Variants in MAP2K3 observed in about 807,000 individuals in gnomAD.
MAP2K3 encodes the protein mitogen-activated protein kinase kinase 3.
Under a neutral mutation model 46.4 loss-of-function variants are expected in MAP2K3, and 30 were observed. The observed-to-expected ratio is 0.65, with a 90% CI of 0.48 to 0.88. MAP2K3 has a LOEUF of 0.88. Ranked by LOEUF, MAP2K3 falls within the 40% of genes least tolerant of loss-of-function variation. MAP2K3 has a pLI of 0.00. For missense variants in MAP2K3, 380 were observed against 464.5 expected (o/e 0.82, Z 1.67); for synonymous variants, 189 against 176.3 (o/e 1.07, Z -0.57).
intron 5 of MAP2K3, among the ~76,000 whole-genome samples, chr17:21,301,848 C>A (rs113723871): frequency 0.023 from 3,519 of 150,118 alleles, no homozygotes; most frequent in South Asian, 0.052. Flanking sequence ...CATCCTGAAG[C>A]TCTGGTGGAG....
rs566593641 is a variant in MAP2K3, at chr17:21,313,624, A to G, written c.960+87A>G. ...CTGGGGAGAGGGCTGCATCCTGCAC[A>G]CAGATGGGTAGCTCCTCTGGCTGGC... On this transcript the variant is annotated intron_variant, in intron 11 of 11. Transcript: ENST00000342679. 17 of 1,069,310 alleles carry G rather than the reference A, an allele frequency of 1.6e-5. No homozygotes were observed. In the African/African-American group the frequency reaches 2.4e-4, roughly 15 times the overall value. 66.2% of individuals were successfully genotyped at this position (1,069,310 alleles called of 1,614,324 possible).
chr17:21,311,511 A>G (rs1156593686), intron 9 of MAP2K3, among the ~76,000 whole-genome samples: 2 of 151,936 alleles, frequency 1.3e-5, no homozygotes, highest in East Asian at 3.9e-4. Context: ...TAGGAGGGAA[A>G]CTGCTGGGGC....
intron 1 of MAP2K3, among the ~76,000 whole-genome samples, chr17:21,294,750 T>C (rs1976144723): frequency 6.6e-6 from 1 of 152,310 alleles, no homozygotes; most frequent in Non-Finnish European, 1.5e-5. Context: ...CACTTCCAGA[T>C]GGCCCCATCT....
intron 1 of MAP2K3, among the ~76,000 whole-genome samples, chr17:21,297,978 A>G (rs1472943417): frequency 6.6e-6 from 1 of 152,200 alleles, no homozygotes; most frequent in Non-Finnish European, 1.5e-5. Context: ...TGGATGCAGT[A>G]TGAGCCCCAT....
At chr17:21,288,966 C>T (rs1975802863) in intron 1 of MAP2K3, among the ~76,000 whole-genome samples, 1 of 152,242 alleles carries the variant, frequency 6.6e-6, no homozygotes, top group East Asian at 1.9e-4. Context: ...TGCTCCCTTG[C>T]AGGGTAGTGG....
At chr17:21,298,049 C>T (rs1976360089) in intron 1 of MAP2K3, among the ~76,000 whole-genome samples, 1 of 152,310 alleles carries the variant, frequency 6.6e-6, no homozygotes, top group Non-Finnish European at 1.5e-5. Flanking sequence ...TGGCTGGACC[C>T]CCGCTGGGCC....
chr17:21,286,486 A>G (rs1975726919), intron 1 of MAP2K3, among the ~76,000 whole-genome samples: 2 of 152,202 alleles, frequency 1.3e-5, no homozygotes, highest in South Asian at 4.1e-4. Context: ...GCCTTACATA[A>G]GTGGGAGGCC....
intron 1 of MAP2K3, among the ~76,000 whole-genome samples, chr17:21,285,653 GC>G (rs1016201113): frequency 5.4e-4 from 82 of 152,168 alleles, no homozygotes; most frequent in African/African-American, 1.9e-3. Flanking sequence ...CTAAGGTACA[GC>G]CCCCTCTCTA....
chr17:21,300,553 G>A lies in MAP2K3; in HGVS notation c.174G>A (p.Glu58=), dbSNP rs1007548145. ...TFITIGDRNF[E]VEADDLVTIS... The stretch of plus-strand genomic sequence containing the variant: ...CTTTTCCATCCTTCAAGAACTTTGA[G>A]GTGGAGGCTGATGACTTGGTGACCA... The change falls in exon 4 of 12, where the codon GAG becomes GAA. Residue 58 remains glutamate, a synonymous_variant. Transcript: ENST00000342679. The A allele has an allele frequency of 2.5e-6, 4 of 1,610,206 alleles. No homozygotes were observed. The highest frequency in any genetic ancestry group is 1.3e-5 in the African/African-American group (1 of 74,924).
intron 1 of MAP2K3, chr17:21,296,323 GC>G: frequency 1.6e-6 from 1 of 616,332 alleles, no homozygotes; most frequent in Non-Finnish European, 2.5e-6. Context: ...GCCACTCCAA[GC>G]CCAGAGCCTC....
rs1462202776 is a variant in MAP2K3 at position 21,301,119 on chromosome 17, C to T, written c.399+126C>T. On this transcript the variant is annotated intron_variant, in intron 5 of 11. Coordinates refer to ENST00000342679, the MANE Select transcript of MAP2K3 (RefSeq NM_145109.3). Reference sequence around the variant, plus strand: ...ACACCTGGCATACTGGCAGGAGGCTCCCCCGTCTCTTGGCTGTTACTGTCC... The same window carrying T: ...ACACCTGGCATACTGGCAGGAGGCTTCCCCGTCTCTTGGCTGTTACTGTCC... 113 of 1,498,968 alleles carry T rather than the reference C, an allele frequency of 7.5e-5. No individual in the cohort carries two copies. The African/African-American group carries it at 8.1e-4, about 11-fold the overall frequency. 92.9% of individuals were successfully genotyped at this position (1,498,968 alleles called of 1,614,324 possible).
intron 1 of MAP2K3, among the ~76,000 whole-genome samples, chr17:21,286,591 G>A (rs1386671861): frequency 6.6e-6 from 1 of 152,252 alleles, no homozygotes; most frequent in Non-Finnish European, 1.5e-5. Context: ...CAGACCTCGT[G>A]GAGCTTGGGA....
chr17:21,288,024 C>T, intron 1 of MAP2K3: 10 of 1,289,316 alleles, frequency 7.8e-6, no homozygotes, highest in Non-Finnish European at 1.0e-5. Flanking sequence ...TGGCCCAGCG[C>T]CCAAAGGGAG....
intron 1 of MAP2K3, among the ~76,000 whole-genome samples, chr17:21,296,511 C>T (rs1976260575): frequency 6.6e-6 from 1 of 152,310 alleles, no homozygotes; most frequent in African/African-American, 2.4e-5. Flanking sequence ...GGAGGGCTCC[C>T]TGTGGCAGGG....
intron 9 of MAP2K3, among the ~76,000 whole-genome samples, chr17:21,307,835 G>C (rs1976969030): frequency 7.4e-6 from 1 of 134,360 alleles, no homozygotes; most frequent in Non-Finnish European, 1.5e-5. Context: ...GTGCCACCAT[G>C]CCCGGCTATC....
At chr17:21,302,056 GC>G in intron 5 of MAP2K3, 86 bp from the exon 6 acceptor site, 1 of 1,344,672 alleles carries the variant, frequency 7.4e-7, no homozygotes, top group Non-Finnish European at 1.1e-6. Context: ...GGGGGCTGGG[GC>G]TGGGGCTGGT....
At chr17:21,296,255 C>A in intron 1 of MAP2K3, 1 of 1,211,450 alleles carries the variant, frequency 8.3e-7, no homozygotes, top group Non-Finnish European at 1.1e-6. Context: ...ATGAGGAACC[C>A]AAGGTGCAGA....
At chr17:21,309,539 A>G (rs935575122) in intron 9 of MAP2K3, among the ~76,000 whole-genome samples, 2 of 144,016 alleles carry the variant, frequency 1.4e-5, no homozygotes, top group African/African-American at 5.1e-5. Context: ...ATTATATTAT[A>G]TATATAATAT....
chr17:21,304,318 G>T (rs1217499423), intron 7 of MAP2K3, 108 bp from the exon 8 acceptor site: 7 of 1,577,568 alleles, frequency 4.4e-6, no homozygotes, highest in Non-Finnish European at 6.0e-6. Flanking sequence ...ATGGGAGGGG[G>T]CACAGGAGGG....
Sources: gnomAD v4.1 joint callset for allele counts (sites outside exome capture counted in the v4.1 genomes callset) on GRCh38, gnomAD v4.1.1 for gene constraint, MANE v1.5 for transcripts, NCBI Gene and HGNC (gene_info 2026-07-23, HGNC 2026-07-21) for gene names.